Variants in ANKRD13C observed in about 807,000 individuals in gnomAD.
ANKRD13C encodes ankyrin repeat domain-containing protein 13C.
Under a neutral mutation model 65.5 loss-of-function variants are expected in ANKRD13C, and 16 were observed. The ratio of observed to expected loss-of-function variants is 0.24; its 90% confidence interval spans 0.17 to 0.37. ANKRD13C has a LOEUF of 0.37. ANKRD13C is among the 10% of genes least tolerant of loss of function. The pLI, the probability that ANKRD13C is intolerant of heterozygous loss-of-function variation, is 1.00. For synonymous variants in ANKRD13C, 235 were observed against 238.7 expected (o/e 0.98, Z 0.14); for missense variants, 503 against 655.9 (o/e 0.77, Z 2.55).
rs1678385643 is a variant in ANKRD13C at position 70,261,426 on chromosome 1, A to C, written c.*1291T>G. 1 of 152,124 alleles carries C rather than the reference A, an allele frequency of 6.6e-6. No homozygotes were observed. Among genetic ancestry groups the C allele is most frequent in the Non-Finnish European group, 1.5e-5 (1 of 67,964 alleles). The allele number at this position is 152,124 out of a possible 1,614,324, so 9.4% of individuals were successfully genotyped here. A position where few individuals can be genotyped will look rare whatever the true frequency, so the allele number is the denominator to read the frequency against. On this transcript the variant is annotated 3_prime_UTR_variant, in exon 13 of 13. Transcript: ENST00000370944. ...ACATTCATCAGGATACATTTTAAAA[A>C]CATCAATCTAAGTAAGCTCTTTAAT...
chr1:70,305,040 T>C (rs1015914030), intron 6 of ANKRD13C, among the ~76,000 whole-genome samples: 14 of 152,038 alleles, frequency 9.2e-5, no homozygotes, highest in Admixed American at 2.6e-4. Flanking sequence ...GAAGAATCAC[T>C]TGAGCCTGTA....
intron 2 of ANKRD13C, among the ~76,000 whole-genome samples, chr1:70,331,301 C>T (rs1295817155): frequency 6.6e-6 from 1 of 150,932 alleles, no homozygotes; most frequent in Non-Finnish European, 1.5e-5. Context: ...TGACTCACAC[C>T]TGTAATCTCA....
chr1:70,269,911 C>A (rs1336513243), intron 12 of ANKRD13C, among the ~76,000 whole-genome samples: 1 of 152,114 alleles, frequency 6.6e-6, no homozygotes, highest in African/African-American at 2.4e-5. Context: ...TCATTAAATA[C>A]TGAGTGGTTG....
intron 1 of ANKRD13C, among the ~76,000 whole-genome samples, chr1:70,350,896 C>T (rs1466917247): frequency 6.6e-6 from 1 of 152,162 alleles, no homozygotes; most frequent in African/African-American, 2.4e-5. Flanking sequence ...CACGGTGGCT[C>T]ACGCCTGTAA....
intron 12 of ANKRD13C, among the ~76,000 whole-genome samples, chr1:70,270,143 C>T (rs776857417): frequency 6.6e-6 from 1 of 152,142 alleles, no homozygotes; most frequent in Non-Finnish European, 1.5e-5. Context: ...TTACTTTATC[C>T]ATCAACAGTA....
intron 12 of ANKRD13C, among the ~76,000 whole-genome samples, chr1:70,265,234 G>A (rs1678563941): frequency 6.6e-6 from 1 of 152,156 alleles, no homozygotes; most frequent in Non-Finnish European, 1.5e-5. Flanking sequence ...CAAGAGTGAA[G>A]AGGGAGATGT....
intron 9 of ANKRD13C, among the ~76,000 whole-genome samples, chr1:70,278,276 T>C (rs907258160): frequency 3.3e-5 from 5 of 151,834 alleles, no homozygotes; most frequent in Non-Finnish European, 7.4e-5. Context: ...GTGGATCACT[T>C]GAGGTGAGGG....
At chr1:70,318,251 T>C (rs2101493037) in intron 3 of ANKRD13C, among the ~76,000 whole-genome samples, 1 of 152,308 alleles carries the variant, frequency 6.6e-6, no homozygotes, top group East Asian at 1.9e-4. Context: ...AAATTAGCTT[T>C]AGAGGATTTA....
At chr1:70,309,068 A>T (rs1680721915) in intron 5 of ANKRD13C, among the ~76,000 whole-genome samples, 1 of 147,432 alleles carries the variant, frequency 6.8e-6, no homozygotes, top group African/African-American at 2.5e-5. Context: ...TTTTAGACAG[A>T]GTGTCGCTCT....
At chr1:70,322,371 A>T (rs1681347732) in intron 3 of ANKRD13C, among the ~76,000 whole-genome samples, 1 of 152,188 alleles carries the variant, frequency 6.6e-6, no homozygotes, top group Admixed American at 6.5e-5. Flanking sequence ...GTTTCATGTG[A>T]TGGAAAGTAA....
intron 9 of ANKRD13C, among the ~76,000 whole-genome samples, chr1:70,284,081 G>A (rs944999022): frequency 6.6e-6 from 1 of 151,832 alleles, no homozygotes; most frequent in African/African-American, 2.4e-5. Flanking sequence ...TGGGAAGGAA[G>A]AGAAAAAAAA....
At chr1:70,276,070 C>T (rs1230658388) in intron 10 of ANKRD13C, among the ~76,000 whole-genome samples, 1 of 151,494 alleles carries the variant, frequency 6.6e-6, no homozygotes, top group African/African-American at 2.4e-5. Flanking sequence ...ACAACTTCTT[C>T]CTAAACAGGA....
chr1:70,281,396 CTTTT>C (rs71583111), intron 9 of ANKRD13C, among the ~76,000 whole-genome samples: 3 of 85,332 alleles, frequency 3.5e-5, no homozygotes, highest in Admixed American at 1.5e-4. Flanking sequence ...TGACTAAATT[CTTTT>C]TTTTTTTTTT....
Position 70,354,616 on chromosome 1 carries a change from G to A in ANKRD13C, c.-208C>T. ...ACGAAGGGACGCGCGCTCGCTGGGGGAAGCTAGAACTCAGGTGCCCACGAC... is the reference window on the plus strand; with the variant it reads ...ACGAAGGGACGCGCGCTCGCTGGGGAAAGCTAGAACTCAGGTGCCCACGAC... On this transcript the variant is annotated 5_prime_UTR_variant, in exon 1 of 13. Transcript: ENST00000370944. The A allele has an allele frequency of 8.0e-7, 1 of 1,252,092 alleles. No individual in the cohort carries two copies. Among genetic ancestry groups the A allele is most frequent in the South Asian group, 1.6e-5 (1 of 62,700 alleles). 77.6% of individuals were successfully genotyped at this position (1,252,092 alleles called of 1,614,324 possible). A position where few individuals can be genotyped will look rare whatever the true frequency, so the allele number is the denominator to read the frequency against.
At chr1:70,344,662 A>C (rs1572179957) in intron 1 of ANKRD13C, among the ~76,000 whole-genome samples, 1 of 152,124 alleles carries the variant, frequency 6.6e-6, no homozygotes, top group African/African-American at 2.4e-5. Context: ...CCAAAATTAC[A>C]TACCTAGAAA....
chr1:70,302,111 T>C (rs1370210942), intron 6 of ANKRD13C, among the ~76,000 whole-genome samples: 1 of 152,204 alleles, frequency 6.6e-6, no homozygotes, highest in Non-Finnish European at 1.5e-5. Flanking sequence ...AAATAAAACA[T>C]GCCTCACATG....
chr1:70,314,214 T>A (rs1050916720), intron 4 of ANKRD13C, among the ~76,000 whole-genome samples: 1 of 151,274 alleles, frequency 6.6e-6, no homozygotes, highest in African/African-American at 2.4e-5. Context: ...ATAATATCTA[T>A]GAAAAAAAAA....
In ANKRD13C at chr1:70,279,106, C is replaced by T. The variant is rs952785193; in HGVS notation, c.1216-2262G>A. Among the ~76,000 whole-genome samples, 3 of 151,834 alleles carry T rather than the reference C, an allele frequency of 2.0e-5. No individual in the cohort carries two copies. The East Asian group carries it at 5.8e-4, about 29-fold the overall frequency. On this transcript the variant is annotated intron_variant, in intron 9 of 12. Coordinates refer to ENST00000370944, the MANE Select transcript of ANKRD13C (RefSeq NM_030816.5). ...TCTGTGGTCCCAGCTACTTGAAGGG[C>T]CAAGGTGGGAGGATTCCTTGAGCCC...
Position 70,292,273 on chromosome 1 carries a change from CA to C in ANKRD13C, c.1215+114del, listed in dbSNP as rs538876296. The C allele has an allele frequency of 3.6e-3, 2,568 of 712,782 alleles. 6 individuals carry two copies. The highest frequency in any genetic ancestry group is 4.4e-3 in the Non-Finnish European group (2,095 of 479,608). 44.2% of individuals were successfully genotyped at this position (712,782 alleles called of 1,614,324 possible). A position where few individuals can be genotyped will look rare whatever the true frequency, so the allele number is the denominator to read the frequency against. ...AATGAAGATTCACAGAAAAAGGTAA[CA>C]CACAGTAAATAAAAGCTGTGAGTAC... is the stretch of plus-strand genomic sequence containing the variant. On this transcript the variant is annotated intron_variant, in intron 9 of 12. Coordinates refer to ENST00000370944, the MANE Select transcript of ANKRD13C (RefSeq NM_030816.5).
Sources: gnomAD v4.1 joint callset for allele counts (sites outside exome capture counted in the v4.1 genomes callset) on GRCh38, gnomAD v4.1.1 for gene constraint, MANE v1.5 for transcripts, NCBI Gene and HGNC (gene_info 2026-07-23, HGNC 2026-07-21) for gene names.